The following ITFG1 variants were observed in gnomAD, a reference collection of about 807,000 sequenced individuals.
ITFG1 encodes T-cell immunomodulatory protein.
A neutral mutation model predicts 81.8 loss-of-function variants in ITFG1; 34 were observed. That is an observed-to-expected ratio of 0.42 (90% CI 0.32 to 0.55). The LOEUF (loss-of-function observed/expected upper bound fraction) is 0.55. Ranked by LOEUF, ITFG1 falls within the 20% of genes least tolerant of loss-of-function variation. The pLI, the probability that ITFG1 is intolerant of heterozygous loss-of-function variation, is 0.17. For missense variants in ITFG1, 672 were observed against 755.4 expected (o/e 0.89, Z 1.29); for synonymous variants, 285 against 270.6 (o/e 1.05, Z -0.52).
rs191199285 is a variant in ITFG1, at chr16:47,157,413, A to T, written c.1779+1460T>A. ...GATACCACAGTGCCACAGGAGATACAGTATATATATAGTCAAATATATACT... is the reference window on the plus strand; with the variant it reads ...GATACCACAGTGCCACAGGAGATACTGTATATATATAGTCAAATATATACT... On this transcript the variant is annotated intron_variant, in intron 17 of 17. Transcript: ENST00000320640. 2.6e-5 allele frequency: 4 copies of T among 152,324 alleles called. No homozygotes were observed. In the East Asian group the frequency reaches 7.7e-4, roughly 29 times the overall value. The allele number at this position is 152,324 out of a possible 1,614,324, so 9.4% of individuals were successfully genotyped here.
At chr16:47,309,802 T>C (rs1283614417) in intron 10 of ITFG1, among the ~76,000 whole-genome samples, 1 of 152,200 alleles carries the variant, frequency 6.6e-6, no homozygotes, top group Non-Finnish European at 1.5e-5. Context: ...GGCAAAGGAA[T>C]TGTTAACAAA....
chr16:47,238,845 T>C (rs1965902936), intron 12 of ITFG1, among the ~76,000 whole-genome samples: 1 of 152,188 alleles, frequency 6.6e-6, no homozygotes, highest in South Asian at 2.1e-4. Flanking sequence ...ATGACAATCA[T>C]TCTAATATAA....
intron 5 of ITFG1, among the ~76,000 whole-genome samples, chr16:47,451,083 A>G (rs1334613367): frequency 6.6e-6 from 1 of 152,206 alleles, no homozygotes; most frequent in East Asian, 1.9e-4. Context: ...GGGAGGATCC[A>G]CTCAAGACTG....
intron 10 of ITFG1, among the ~76,000 whole-genome samples, chr16:47,265,510 C>T (rs532316475): frequency 2.0e-5 from 3 of 151,940 alleles, no homozygotes; most frequent in African/African-American, 4.8e-5. Context: ...AGCACTAAAA[C>T]CAGAAGAGGA....
At chr16:47,363,377 A>G (rs941172904) in intron 8 of ITFG1, among the ~76,000 whole-genome samples, 1 of 151,938 alleles carries the variant, frequency 6.6e-6, no homozygotes, top group African/African-American at 2.4e-5. Flanking sequence ...CTTTAAAAAA[A>G]TTTTTTTTAG....
chr16:47,446,652 G>C (rs1969328196), intron 5 of ITFG1, among the ~76,000 whole-genome samples: 1 of 152,036 alleles, frequency 6.6e-6, no homozygotes, highest in African/African-American at 2.4e-5. Context: ...CAGAGCTTAG[G>C]CCTCCAGACT....
intron 8 of ITFG1, among the ~76,000 whole-genome samples, chr16:47,356,983 G>T (rs907436837): frequency 1.3e-5 from 2 of 151,734 alleles, no homozygotes; most frequent in African/African-American, 4.8e-5. Context: ...ATATGTATCT[G>T]TAAGGTCTAA....
intron 10 of ITFG1, among the ~76,000 whole-genome samples, chr16:47,278,559 T>C (rs1009049882): frequency 6.6e-5 from 10 of 152,212 alleles, no homozygotes; most frequent in Admixed American, 5.2e-4. Context: ...GACTTGTTTC[T>C]GCTCTTTCTA....
At chr16:47,396,329 G>A (rs1251580645) in intron 6 of ITFG1, 1 of 160,048 alleles carries the variant, frequency 6.2e-6, no homozygotes, top group African/African-American at 2.4e-5. Flanking sequence ...GGGAGGGGAG[G>A]AGAAGAGCAG....
chr16:47,172,844 C>CTGT (rs1555502081), intron 14 of ITFG1, among the ~76,000 whole-genome samples: 1 of 152,150 alleles, frequency 6.6e-6, no homozygotes, highest in Non-Finnish European at 1.5e-5. Flanking sequence ...ATTGCTTTAA[C>CTGT]TGTTGTTCCT....
At chr16:47,221,476 T>C (rs1007403569) in intron 13 of ITFG1, among the ~76,000 whole-genome samples, 4 of 152,232 alleles carry the variant, frequency 2.6e-5, no homozygotes, top group Non-Finnish European at 5.9e-5. Flanking sequence ...TGCTGCTGGA[T>C]TCGGTTTGCC....
intron 8 of ITFG1, among the ~76,000 whole-genome samples, chr16:47,331,676 TTAAAAG>T (rs1220807079): frequency 6.6e-6 from 1 of 152,144 alleles, no homozygotes; most frequent in East Asian, 1.9e-4. Flanking sequence ...ATGGGTTAGT[TTAAAAG>T]TAAAAGAAGG....
chr16:47,406,578 C>T (rs1968732007), intron 6 of ITFG1, among the ~76,000 whole-genome samples: 1 of 152,158 alleles, frequency 6.6e-6, no homozygotes, highest in Non-Finnish European at 1.5e-5. Context: ...TGTCAAGTCC[C>T]TATTTGGTGG....
chr16:47,182,447 A>G (rs1303414698), intron 14 of ITFG1, among the ~76,000 whole-genome samples: 2 of 151,798 alleles, frequency 1.3e-5, no homozygotes, highest in Non-Finnish European at 1.5e-5. Context: ...TGCCAAAAGT[A>G]TGTACTTTAA....
intron 10 of ITFG1, among the ~76,000 whole-genome samples, chr16:47,276,380 A>C (rs1966399310): frequency 6.6e-6 from 1 of 152,216 alleles, no homozygotes. Flanking sequence ...TTACCAGGGG[A>C]AATGTAAAGA....
chr16:47,335,828 CTT>C (rs1158337225), intron 8 of ITFG1, among the ~76,000 whole-genome samples: 1 of 152,148 alleles, frequency 6.6e-6, no homozygotes, highest in Non-Finnish European at 1.5e-5. Flanking sequence ...TAAGCATACA[CTT>C]ATCATATTGA....
intron 13 of ITFG1, among the ~76,000 whole-genome samples, chr16:47,224,671 C>T (rs1039536792): frequency 1.2e-4 from 19 of 152,016 alleles, no homozygotes; most frequent in Non-Finnish European, 2.5e-4. Flanking sequence ...AAAATTATGA[C>T]ATGCAAAGAA....
intron 10 of ITFG1, among the ~76,000 whole-genome samples, chr16:47,281,218 T>C (rs1966448199): frequency 6.6e-6 from 1 of 152,154 alleles, no homozygotes; most frequent in African/African-American, 2.4e-5. Flanking sequence ...CTCTGGGAAT[T>C]TGGTGTCAGT....
chr16:47,311,308 AAGGGTAAT>A lies in ITFG1; in HGVS notation c.994_1001del (p.Ile332SerfsTer36). ...CATCCATATTGTAGTCTCCAATATG[AAGGGTAAT>A]TGGAATTGGTATTTCAGTTGGTTGC... On this transcript the variant is annotated frameshift_variant, in exon 10 of 18. Coordinates refer to ENST00000320640, the MANE Select transcript of ITFG1 (RefSeq NM_030790.5). LOFTEE classifies it high-confidence loss of function. 1 of 1,611,020 alleles carries A rather than the reference AAGGGTAAT, an allele frequency of 6.2e-7. No homozygotes were observed. Among genetic ancestry groups the A allele is most frequent in the Non-Finnish European group, 8.5e-7 (1 of 1,177,206 alleles).
Sources: allele counts gnomAD v4.1 joint callset (sites outside exome capture counted in the v4.1 genomes callset), GRCh38; gene constraint gnomAD v4.1.1; transcripts MANE v1.5; gene names NCBI Gene and HGNC (gene_info 2026-07-23, HGNC 2026-07-21).